SMURF2: variants seen among roughly 807,000 people sequenced by gnomAD.
SMURF2 encodes SMAD specific E3 ubiquitin protein ligase 2, also known as E3 ubiquitin-protein ligase SMURF2.
Under a neutral mutation model 109.6 loss-of-function variants are expected in SMURF2, and 48 were observed. That is an observed-to-expected ratio of 0.44 (90% confidence interval 0.35 to 0.56). SMURF2 has a LOEUF of 0.56. Ranked by LOEUF, SMURF2 falls within the 20% of genes least tolerant of loss-of-function variation. The probability of loss-of-function intolerance (pLI) is 0.01; values close to 1 mark genes in which losing one functional copy is unlikely to be tolerated. For missense variants in SMURF2, 575 were observed against 909.0 expected (o/e 0.63, Z 4.72); for synonymous variants, 288 against 317.1 (o/e 0.91, Z 0.97).
chr17:64,643,941 CT>C (rs1555692792), intron 1 of SMURF2, among the ~76,000 whole-genome samples: 1 of 152,034 alleles, frequency 6.6e-6, no homozygotes, highest in Non-Finnish European at 1.5e-5. Context: ...ATTCTCCTGC[CT>C]CAGCCTCCTA....
intron 1 of SMURF2, among the ~76,000 whole-genome samples, chr17:64,642,273 T>C (rs369644631): frequency 1.3e-5 from 2 of 152,242 alleles, no homozygotes; most frequent in African/African-American, 4.8e-5. Context: ...GTAATATTAC[T>C]GTAACTCACA....
At position 64,566,561 on chromosome 17, in the gene SMURF2, GTTTTTTTTTTTT is replaced by G. The variant is rs1164717270; in HGVS notation, c.1017-3607_1017-3596del. 3.0e-3 allele frequency among the ~76,000 whole-genome samples: 133 copies of G among 43,804 alleles called. 3 individuals are homozygous for G. The highest frequency in any genetic ancestry group is 0.013 in the South Asian group (8 of 594). 28.7% of individuals were successfully genotyped at this position (43,804 alleles called of 152,430 possible). A position where few individuals can be genotyped will look rare whatever the true frequency, so the allele number is the denominator to read the frequency against. ...GATGTAGAAATGCTTAAGCTTTCTG[GTTTTTTTTTTTT>G]TTTTTTTTTTTTTTTTTTGAGACAG... is the stretch of plus-strand genomic sequence containing the variant. On this transcript the variant is annotated intron_variant, in intron 10 of 18. Coordinates refer to ENST00000262435, the MANE Select transcript of SMURF2 (RefSeq NM_022739.4).
chr17:64,546,636 G>A (rs1968958025), intron 17 of SMURF2, among the ~76,000 whole-genome samples: 1 of 152,144 alleles, frequency 6.6e-6, no homozygotes, highest in African/African-American at 2.4e-5. Flanking sequence ...AAAAGCATGA[G>A]AAGAAAAGTA....
At chr17:64,612,789 A>C (rs1490967743) in intron 1 of SMURF2, among the ~76,000 whole-genome samples, 1 of 152,238 alleles carries the variant, frequency 6.6e-6, no homozygotes, top group African/African-American at 2.4e-5. Context: ...TTTAACATTC[A>C]GTTTCAAAGA....
intron 1 of SMURF2, among the ~76,000 whole-genome samples, chr17:64,628,489 G>A (rs1383668141): frequency 6.6e-6 from 1 of 152,094 alleles, no homozygotes. Flanking sequence ...ATTCATTATA[G>A]TCCAAATTCA....
chr17:64,662,254 G>T lies in SMURF2; in HGVS notation c.-374C>A, dbSNP rs1042386358. The T allele has an allele frequency of 1.0e-6, 1 of 983,218 alleles. No homozygotes were observed. The highest frequency in any genetic ancestry group is 4.7e-5 in the South Asian group (1 of 21,286). 60.9% of individuals were successfully genotyped at this position (983,218 alleles called of 1,614,324 possible). On this transcript the variant is annotated 5_prime_UTR_variant, in exon 1 of 19. Coordinates refer to ENST00000262435, the MANE Select transcript of SMURF2 (RefSeq NM_022739.4). ...GCTGAAGCGGGCGGTGCTCGGGGGC[G>T]CCGGAGCAGAACTCTGGGCTCGGCC...
At chr17:64,614,941 GCA>G in intron 1 of SMURF2, among the ~76,000 whole-genome samples, 1 of 152,264 alleles carries the variant, frequency 6.6e-6, no homozygotes, top group Non-Finnish European at 1.5e-5. Flanking sequence ...TTCATTTGAG[GCA>G]GCGATTAGAG....
chr17:64,605,744 A>AATACAT (rs1407403305), intron 2 of SMURF2, among the ~76,000 whole-genome samples: 2 of 99,122 alleles, frequency 2.0e-5, no homozygotes, highest in Non-Finnish European at 3.9e-5. Flanking sequence ...CTCTAAAAAG[A>AATACAT]ATATATATAT....
intron 9 of SMURF2, among the ~76,000 whole-genome samples, chr17:64,573,247 AGGAGGGGAGGAGGAGGAGGAGGAGGAG>A: frequency 5.4e-5 from 1 of 18,606 alleles, no homozygotes; most frequent in African/African-American, 3.6e-4. Flanking sequence ...GAGGAGGAGG[AGGAGGGGAGGAGGAGGAGGAGGAGGAG>A]GGGGAGGAGG....
chr17:64,605,214 C>A (rs943649980), intron 2 of SMURF2, among the ~76,000 whole-genome samples: 1 of 151,946 alleles, frequency 6.6e-6, no homozygotes, highest in South Asian at 2.1e-4. Flanking sequence ...AAGCTTCTGG[C>A]GAGAAGGCAC....
intron 2 of SMURF2, among the ~76,000 whole-genome samples, chr17:64,602,729 C>A (rs1460335802): frequency 6.6e-6 from 1 of 152,120 alleles, no homozygotes; most frequent in South Asian, 2.1e-4. Context: ...GAGTTCAAGA[C>A]CATCCTGGCT....
chr17:64,550,666 G>C (rs1031056928), intron 16 of SMURF2, among the ~76,000 whole-genome samples: 7 of 151,506 alleles, frequency 4.6e-5, no homozygotes, highest in African/African-American at 1.7e-4. Flanking sequence ...TGTAGTCCCA[G>C]CTACTTGGGA....
intron 1 of SMURF2, among the ~76,000 whole-genome samples, chr17:64,630,685 A>G (rs575295901): frequency 6.6e-6 from 1 of 152,364 alleles, no homozygotes; most frequent in South Asian, 2.1e-4. Context: ...CTATCCTTAG[A>G]AAATTATAAG....
At chr17:64,593,595 T>G in intron 3 of SMURF2, 22 bp from the exon 4 acceptor site, 1 of 1,499,826 alleles carries the variant, frequency 6.7e-7, no homozygotes, top group Non-Finnish European at 9.0e-7. Flanking sequence ...AACGGCTGCA[T>G]GAGTAACTTG....
chr17:64,576,843 T>C (rs1195719894), intron 9 of SMURF2, among the ~76,000 whole-genome samples: 1 of 151,536 alleles, frequency 6.6e-6, no homozygotes, highest in Non-Finnish European at 1.5e-5. Flanking sequence ...TGTGTTCCGT[T>C]ATTCCCCAGG....
Position 64,662,199 on chromosome 17 carries a change from G to A in SMURF2, c.-319C>T. 9.7e-7 allele frequency: 1 copy of A among 1,034,854 alleles called. No homozygotes were observed. The highest frequency in any genetic ancestry group is 4.4e-5 in the South Asian group (1 of 22,588). 64.1% of individuals were successfully genotyped at this position (1,034,854 alleles called of 1,614,324 possible). A position where few individuals can be genotyped will look rare whatever the true frequency, so the allele number is the denominator to read the frequency against. On this transcript the variant is annotated 5_prime_UTR_variant, in exon 1 of 19. Coordinates refer to ENST00000262435, the MANE Select transcript of SMURF2 (RefSeq NM_022739.4). ...GAGGCCTTTCCCTCCTCTCGTCTCG[G>A]CGAGGCCCAGTAGCCGACGGGGCTG...
At chr17:64,584,361 CTT>C (rs372682588) in intron 6 of SMURF2, among the ~76,000 whole-genome samples, 12 of 112,680 alleles carry the variant, frequency 1.1e-4, no homozygotes, top group African/African-American at 2.2e-4. Context: ...CTTTTTTTTT[CTT>C]TTTTTTTTTT....
At chr17:64,606,676 A>G in intron 1 of SMURF2, 36 bp from the exon 2 acceptor site, 1 of 1,425,970 alleles carries the variant, frequency 7.0e-7, no homozygotes, top group Non-Finnish European at 9.5e-7. Flanking sequence ...CATGGGAAAA[A>G]TTAAAATGTT....
intron 1 of SMURF2, among the ~76,000 whole-genome samples, chr17:64,633,931 CA>C: frequency 6.6e-6 from 1 of 152,116 alleles, no homozygotes; most frequent in African/African-American, 2.4e-5. Context: ...CCGAGGTGGG[CA>C]GATCACCTGA....
Sources: gnomAD v4.1 joint callset for allele counts (sites outside exome capture counted in the v4.1 genomes callset) on GRCh38, gnomAD v4.1.1 for gene constraint, MANE v1.5 for transcripts, NCBI Gene and HGNC (gene_info 2026-07-23, HGNC 2026-07-21) for gene names.